The following HAPLN1 variants were observed in gnomAD, a reference collection of about 807,000 sequenced individuals.
HAPLN1 encodes the protein hyaluronan and proteoglycan link protein 1.
A neutral mutation model predicts 36.5 loss-of-function variants in HAPLN1; 13 were observed. That is an observed-to-expected ratio of 0.36 (90% CI 0.23 to 0.57). The LOEUF (loss-of-function observed/expected upper bound fraction) is 0.57. Among genes scored for constraint, HAPLN1 ranks in the 20% least tolerant of loss-of-function variants. HAPLN1 has a pLI of 0.83. For missense variants in HAPLN1, 407 were observed against 439.7 expected, an observed-to-expected ratio of 0.93 and a Z score of 0.66; for synonymous variants, 202 against 169.8, an observed-to-expected ratio of 1.19 and a Z score of -1.48.
At chr5:83,654,371 T>C (rs1374948989) in intron 2 of HAPLN1, among the ~76,000 whole-genome samples, 2 of 152,250 alleles carry the variant, frequency 1.3e-5, no homozygotes, top group Non-Finnish European at 2.9e-5. Context: ...TATTCCATTC[T>C]TGATCTCATT....
intron 1 of HAPLN1, among the ~76,000 whole-genome samples, chr5:83,696,199 C>T (rs545505332): frequency 6.6e-6 from 1 of 151,830 alleles, no homozygotes; most frequent in Admixed American, 6.6e-5. Context: ...GAAAAATAGC[C>T]AACAAATATG....
chr5:83,673,907 T>C (rs536165421), intron 1 of HAPLN1, among the ~76,000 whole-genome samples: 12 of 152,340 alleles, frequency 7.9e-5, no homozygotes, highest in African/African-American at 2.9e-4. Flanking sequence ...GCAACATAAG[T>C]TAATAAAACA....
At chr5:83,700,138 G>A (rs1466225512) in intron 1 of HAPLN1, among the ~76,000 whole-genome samples, 15 of 148,806 alleles carry the variant, frequency 1.0e-4, no homozygotes, top group African/African-American at 3.5e-4. Context: ...AGGTTACAGT[G>A]AGCTGAGATT....
chr5:83,709,732 C>T (rs1751733028), intron 1 of HAPLN1, among the ~76,000 whole-genome samples: 1 of 152,166 alleles, frequency 6.6e-6, no homozygotes, highest in South Asian at 2.1e-4. Context: ...AATGAAAAGA[C>T]ATTGAAGCAC....
chr5:83,692,494 A>G (rs1046546001), intron 1 of HAPLN1, among the ~76,000 whole-genome samples: 1 of 151,946 alleles, frequency 6.6e-6, no homozygotes, highest in Non-Finnish European at 1.5e-5. Flanking sequence ...TAAAGTACTG[A>G]AAGAAAACTG....
At chr5:83,712,229 T>C (rs2055035302) in intron 1 of HAPLN1, among the ~76,000 whole-genome samples, 1 of 152,058 alleles carries the variant, frequency 6.6e-6, no homozygotes, top group East Asian at 1.9e-4. Context: ...TTAACAAGGG[T>C]CAAGATCCTT....
At position 83,711,837 on chromosome 5, in the gene HAPLN1, A is replaced by C. The variant is rs193068171; in HGVS notation, c.-27+8952T>G. Among the ~76,000 whole-genome samples, 41 of 152,288 alleles carry C rather than the reference A, an allele frequency of 2.7e-4. 1 individual carries two copies. The highest frequency in any genetic ancestry group is 2.6e-3 in the Admixed American group (39 of 15,294). ...GAACTAGGCTTGGTCAAAGGAAAAT[A>C]ATGAGCTCAATTCTGGAAATGTTAA... On this transcript the variant is annotated intron_variant, in intron 1 of 4. Coordinates refer to ENST00000274341, the MANE Select transcript of HAPLN1 (RefSeq NM_001884.4).
At chr5:83,668,699 CACTT>C (rs1750619983) in intron 2 of HAPLN1, among the ~76,000 whole-genome samples, 1 of 152,186 alleles carries the variant, frequency 6.6e-6, no homozygotes. Flanking sequence ...TTTGTTCACT[CACTT>C]ATTCAACAAA....
rs949874113 is a variant in HAPLN1, at chr5:83,639,710, T to G, written c.*1786A>C. On this transcript the variant is annotated 3_prime_UTR_variant, in exon 5 of 5. Coordinates refer to ENST00000274341, the MANE Select transcript of HAPLN1 (RefSeq NM_001884.4). ...GTGTTTGAGTTTAAACTTTACAAACTCTTTGGATTTATAGTTTTGTACAGT... is the reference window on the plus strand; with the variant it reads ...GTGTTTGAGTTTAAACTTTACAAACGCTTTGGATTTATAGTTTTGTACAGT... 7 of 152,116 alleles carry G rather than the reference T, an allele frequency of 4.6e-5. No homozygotes were observed. The highest frequency in any genetic ancestry group is 6.5e-5 in the Admixed American group (1 of 15,276). The allele number at this position is 152,116 out of a possible 1,614,324, so 9.4% of individuals were successfully genotyped here. A position where few individuals can be genotyped will look rare whatever the true frequency, so the allele number is the denominator to read the frequency against.
intron 1 of HAPLN1, among the ~76,000 whole-genome samples, chr5:83,693,381 A>C (rs1160382105): frequency 1.3e-5 from 2 of 151,932 alleles, no homozygotes; most frequent in African/African-American, 4.8e-5. Flanking sequence ...TTTTTGGAAA[A>C]TATTCAAATT....
At chr5:83,661,275 T>C (rs1750379959) in intron 2 of HAPLN1, among the ~76,000 whole-genome samples, 2 of 152,026 alleles carry the variant, frequency 1.3e-5, no homozygotes, top group Admixed American at 6.6e-5. Flanking sequence ...CCTGTATCTA[T>C]AGTATTCAAT....
At chr5:83,706,103 C>CAAAAA (rs771717902) in intron 1 of HAPLN1, among the ~76,000 whole-genome samples, 7 of 92,346 alleles carry the variant, frequency 7.6e-5, no homozygotes, top group African/African-American at 2.1e-4. Flanking sequence ...GCCTACCAAT[C>CAAAAA]GAAAAAAAAA....
chr5:83,650,324 A>G (rs913402089), intron 3 of HAPLN1, among the ~76,000 whole-genome samples: 1 of 152,234 alleles, frequency 6.6e-6, no homozygotes, highest in African/African-American at 2.4e-5. Flanking sequence ...AACAAAATAA[A>G]TAGAACATAT....
rs781453655 is a variant in HAPLN1, at chr5:83,644,599, G to A, written c.539C>T (p.Ala180Val). 1.2e-5 allele frequency: 19 copies of A among 1,528,650 alleles called. No individual in the cohort carries two copies. Among genetic ancestry groups the A allele is most frequent in the Admixed American group, 6.3e-5 (3 of 47,406 alleles). The allele number at this position is 1,528,650 out of a possible 1,614,324, so 94.7% of individuals were successfully genotyped here. A position where few individuals can be genotyped will look rare whatever the true frequency, so the allele number is the denominator to read the frequency against. ...GATCACAGCATCCTGGTCCAGACAC[G>A]CCTGCTGCGCCTCGTGAAAATTGAG... ...YNLNFHEAQQ[A>V]CLDQDAVIAS... The change falls in exon 4 of 5, where the codon GCG (alanine) becomes GTG (valine). Residue 180 changes from alanine (A) to valine (V), a missense_variant. Physicochemically the swap from Ala to Val is moderately conservative, Grantham distance 64. Coordinates refer to ENST00000274341, the MANE Select transcript of HAPLN1 (RefSeq NM_001884.4).
chr5:83,699,511 T>A (rs770649453), intron 1 of HAPLN1, among the ~76,000 whole-genome samples: 1 of 152,306 alleles, frequency 6.6e-6, no homozygotes, highest in East Asian at 1.9e-4. Context: ...AGAGCATGAA[T>A]ATAATTATGT....
chr5:83,652,708 C>T lies in HAPLN1; in HGVS notation c.217G>A (p.Gly73Arg). ...CACTTAATTCGGATTTTATGGATTC[C>T]TGAGCCAAATGCTGTAGGGTCTCGA... Reference protein sequence around the residue: ...FYRDPTAFGSGIHKIRIKWTK... With the variant: ...FYRDPTAFGSRIHKIRIKWTK... The change falls in exon 3 of 5, where the codon GGA becomes AGA. Residue 73 changes from glycine to arginine, a missense_variant. Physicochemically the swap from Gly to Arg is moderately radical, Grantham distance 125. Transcript: ENST00000274341. The T allele has an allele frequency of 6.2e-7, 1 of 1,614,092 alleles. No homozygotes were observed. Among genetic ancestry groups the T allele is most frequent in the Non-Finnish European group, 8.5e-7 (1 of 1,179,990 alleles).
intron 3 of HAPLN1, among the ~76,000 whole-genome samples, chr5:83,648,394 ACT>A (rs1749938469): frequency 3.1e-5 from 1 of 32,772 alleles, no homozygotes; most frequent in Non-Finnish European, 5.8e-5. Flanking sequence ...CCTATATTTG[ACT>A]ATATATATAT....
intron 3 of HAPLN1, among the ~76,000 whole-genome samples, chr5:83,647,798 A>G (rs1749916297): frequency 6.6e-6 from 1 of 152,132 alleles, no homozygotes; most frequent in African/African-American, 2.4e-5. Context: ...AGCTTTAATA[A>G]TTACATAAAG....
In HAPLN1 at chr5:83,641,861, GA is replaced by G. The variant is rs1431472891; in HGVS notation, c.776-77del. 2.1e-6 allele frequency: 3 copies of G among 1,450,300 alleles called. No homozygotes were observed. In the African/African-American group the frequency reaches 4.3e-5, roughly 21 times the overall value. 89.8% of individuals were successfully genotyped at this position (1,450,300 alleles called of 1,614,324 possible). On this transcript the variant is annotated intron_variant, in intron 4 of 4. Coordinates refer to ENST00000274341, the MANE Select transcript of HAPLN1 (RefSeq NM_001884.4). ...ACAGAGATAGAAAGAGCCAAAAACG[GA>G]AGTGTTTCTCAATGAAGGGGGATAT... is the stretch of plus-strand genomic sequence containing the variant.
Sources: gnomAD v4.1 joint callset for allele counts (sites outside exome capture counted in the v4.1 genomes callset) on GRCh38, gnomAD v4.1.1 for gene constraint, MANE v1.5 for transcripts, NCBI Gene and HGNC (gene_info 2026-07-23, HGNC 2026-07-21) for gene names.